KCNIP4: variants seen among roughly 807,000 people sequenced by gnomAD.
KCNIP4 encodes Kv channel-interacting protein 4.
KCNIP4 carries 12 observed loss-of-function variants against 34.0 expected under a neutral mutation model. That is an observed-to-expected ratio of 0.35 (90% CI 0.23 to 0.57). The LOEUF (loss-of-function observed/expected upper bound fraction) is 0.57, where lower values mean the gene tolerates loss of function less well. Ranked by LOEUF, KCNIP4 falls within the 20% of genes least tolerant of loss-of-function variation. KCNIP4 has a pLI of 0.83. For missense variants in KCNIP4, 238 were observed against 311.7 expected (o/e 0.76, Z 1.78); for synonymous variants, 124 against 102.2 (o/e 1.21, Z -1.29).
At chr4:21,772,352 C>A (rs896620888) in intron 1 of KCNIP4, among the ~76,000 whole-genome samples, 1 of 152,144 alleles carries the variant, frequency 6.6e-6, no homozygotes, top group East Asian at 1.9e-4. Flanking sequence ...ATTTTCACAT[C>A]AATGTTCATC....
At chr4:20,888,881 A>G (rs1385838291) in intron 1 of KCNIP4, among the ~76,000 whole-genome samples, 1 of 152,168 alleles carries the variant, frequency 6.6e-6, no homozygotes, top group East Asian at 1.9e-4. Flanking sequence ...TGTTCTGTCT[A>G]AAGGCTACCA....
At chr4:21,287,772 A>G (rs547555148) in intron 1 of KCNIP4, among the ~76,000 whole-genome samples, 1 of 152,106 alleles carries the variant, frequency 6.6e-6, no homozygotes, top group Non-Finnish European at 1.5e-5. Context: ...GGCTCCCAGG[A>G]TGTTATTTTT....
intron 1 of KCNIP4, among the ~76,000 whole-genome samples, chr4:21,540,433 A>G (rs1010081380): frequency 6.6e-6 from 1 of 152,198 alleles, no homozygotes; most frequent in African/African-American, 2.4e-5. Flanking sequence ...TGGGTACTTC[A>G]GCATGAAGGC....
intron 1 of KCNIP4, chr4:21,851,663 C>G (rs940847393): frequency 3.9e-5 from 6 of 152,152 alleles, no homozygotes; most frequent in Non-Finnish European, 8.8e-5. Flanking sequence ...AGACAGCCCC[C>G]ACTTTGGTGA....
intron 3 of KCNIP4, among the ~76,000 whole-genome samples, chr4:20,766,026 A>G (rs1355490989): frequency 1.3e-5 from 2 of 152,226 alleles, no homozygotes; most frequent in African/African-American, 4.8e-5. Flanking sequence ...TTGATATTTT[A>G]TAATTATTAA....
At chr4:21,613,766 A>G (rs1744356998) in intron 1 of KCNIP4, 1 of 152,164 alleles carries the variant, frequency 6.6e-6, no homozygotes. Context: ...ATTTATTTAC[A>G]TGTGTCTCTA....
chr4:21,124,658 AG>A (rs1447854497), intron 1 of KCNIP4, among the ~76,000 whole-genome samples: 3 of 152,154 alleles, frequency 2.0e-5, no homozygotes, highest in Admixed American at 2.0e-4. Context: ...GCATAAAAGA[AG>A]GGGGGTCTTT....
At chr4:21,760,603 T>C (rs532016490) in intron 1 of KCNIP4, among the ~76,000 whole-genome samples, 1 of 152,250 alleles carries the variant, frequency 6.6e-6, no homozygotes, top group South Asian at 2.1e-4. Flanking sequence ...CTAGGCCTTT[T>C]CTGAATCAAT....
At chr4:21,037,612 A>G (rs962481859) in intron 1 of KCNIP4, among the ~76,000 whole-genome samples, 6 of 152,216 alleles carry the variant, frequency 3.9e-5, no homozygotes, top group African/African-American at 9.6e-5. Flanking sequence ...TGCATTTCTT[A>G]TAACGTATTC....
At chr4:20,955,224 GGT>G (rs72086383) in intron 1 of KCNIP4, among the ~76,000 whole-genome samples, 2,083 of 152,184 alleles carry the variant, frequency 0.014, 20 homozygotes, top group Middle Eastern at 0.037. Flanking sequence ...CTTAAACTGT[GGT>G]AATACAACCC....
intron 1 of KCNIP4, among the ~76,000 whole-genome samples, chr4:21,824,187 G>C (rs957602707): frequency 2.6e-5 from 4 of 152,118 alleles, no homozygotes; most frequent in African/African-American, 9.7e-5. Context: ...CCTGGATATA[G>C]GCCAAAATAA....
intron 1 of KCNIP4, among the ~76,000 whole-genome samples, chr4:21,232,503 T>C (rs910628094): frequency 2.0e-5 from 3 of 152,172 alleles, no homozygotes; most frequent in Non-Finnish European, 2.9e-5. Flanking sequence ...TTAAGAATGA[T>C]TTTTACATAT....
intron 1 of KCNIP4, among the ~76,000 whole-genome samples, chr4:21,762,337 G>A (rs770157490): frequency 1.6e-4 from 24 of 152,148 alleles, no homozygotes; most frequent in Admixed American, 4.6e-4. Flanking sequence ...TCAGGTGCTC[G>A]TTAGCCATAT....
At chr4:21,336,684 G>A (rs982407598) in intron 1 of KCNIP4, among the ~76,000 whole-genome samples, 1 of 152,134 alleles carries the variant, frequency 6.6e-6, no homozygotes, top group East Asian at 1.9e-4. Flanking sequence ...ACCAAAAATT[G>A]AGCCCTCACT....
At position 20,979,410 on chromosome 4, in the gene KCNIP4, T is replaced by TC. The variant is rs1442993239; in HGVS notation, c.62-96702_62-96701insG. Among the ~76,000 whole-genome samples, 639 of 150,640 alleles carry TC rather than the reference T, an allele frequency of 4.2e-3. 9 individuals are homozygous for TC. Among genetic ancestry groups the TC allele is most frequent in the African/African-American group, 0.015 (614 of 41,000 alleles). Reference sequence around the variant, plus strand: ...CTTCCACTTTCTTTCTTTTTTTTTTTTTTTTTGAGATGGAGTCTCACTCTG... The same window carrying TC: ...CTTCCACTTTCTTTCTTTTTTTTTTTCTTTTTTGAGATGGAGTCTCACTCTG... On this transcript the variant is annotated intron_variant, in intron 1 of 8. Coordinates refer to ENST00000382152, the MANE Select transcript of KCNIP4 (RefSeq NM_025221.6).
chr4:21,499,540 A>C (rs888165645), intron 1 of KCNIP4, among the ~76,000 whole-genome samples: 1 of 151,734 alleles, frequency 6.6e-6, no homozygotes, highest in Non-Finnish European at 1.5e-5. Context: ...TCACTCAGAA[A>C]AAAACTGGAA....
Position 20,905,505 on chromosome 4 carries a change from C to CTTTTTTTTTTT in KCNIP4, c.62-22797_62-22796insAAAAAAAAAAA, listed in dbSNP as rs1182454951. On this transcript the variant is annotated intron_variant, in intron 1 of 8. Coordinates refer to ENST00000382152, the MANE Select transcript of KCNIP4 (RefSeq NM_025221.6). The stretch of plus-strand genomic sequence containing the variant: ...TATTACACAGGTAGTTGAACGTTTT[C>CTTTTTTTTTTT]TTTCTTTTTTTTTTTTTTTTGTTTG... Among the ~76,000 whole-genome samples the CTTTTTTTTTTT allele has an allele frequency of 1.1e-3, 40 of 37,052 alleles. 1 individual carries two copies. The highest frequency in any genetic ancestry group is 0.015 in the Middle Eastern group (1 of 68). 24.3% of individuals were successfully genotyped at this position (37,052 alleles called of 152,430 possible). A position where few individuals can be genotyped will look rare whatever the true frequency, so the allele number is the denominator to read the frequency against.
intron 1 of KCNIP4, among the ~76,000 whole-genome samples, chr4:21,443,888 T>C (rs2109715415): frequency 6.6e-6 from 1 of 152,102 alleles, no homozygotes; most frequent in Middle Eastern, 3.4e-3. Context: ...AGTCATTACA[T>C]CACTGCACTC....
At chr4:21,311,862 G>A (rs368506558) in intron 1 of KCNIP4, among the ~76,000 whole-genome samples, 1 of 151,978 alleles carries the variant, frequency 6.6e-6, no homozygotes. Context: ...GGTTTCAAAG[G>A]GTCCTATCAT....
Sources: gnomAD v4.1 joint callset for allele counts (sites outside exome capture counted in the v4.1 genomes callset) on GRCh38, gnomAD v4.1.1 for gene constraint, MANE v1.5 for transcripts, NCBI Gene and HGNC (gene_info 2026-07-23, HGNC 2026-07-21) for gene names.